Variants in CNNM4 observed in about 807,000 individuals in gnomAD.
The protein encoded by CNNM4 is cyclin and CBS domain divalent metal cation transport mediator 4.
CNNM4 carries 32 observed loss-of-function variants against 53.7 expected under a neutral mutation model. The observed-to-expected ratio is 0.60, with a 90% CI of 0.45 to 0.80. The LOEUF (loss-of-function observed/expected upper bound fraction) is 0.80. Among genes scored for constraint, CNNM4 ranks in the 30% least tolerant of loss-of-function variants. CNNM4 has a pLI of 0.00. For synonymous variants in CNNM4, 410 were observed against 440.0 expected (o/e 0.93, Z 0.85); for missense variants, 784 against 1,022.0 (o/e 0.77, Z 3.17).
At chr2:96,767,672 C>G (rs1309953120) in intron 1 of CNNM4, among the ~76,000 whole-genome samples, 2 of 152,218 alleles carry the variant, frequency 1.3e-5, no homozygotes, top group Non-Finnish European at 2.9e-5. Flanking sequence ...CTGGGTGTAA[C>G]TCCAGCCAGC....
At chr2:96,796,939 G>C in intron 1 of CNNM4, 73 bp from the exon 2 acceptor site, 1 of 1,516,582 alleles carries the variant, frequency 6.6e-7, no homozygotes, top group Non-Finnish European at 9.1e-7. Context: ...TACGTCTAGA[G>C]TTAATGTTTT....
intron 1 of CNNM4, among the ~76,000 whole-genome samples, chr2:96,779,151 G>T (rs1422222727): frequency 2.0e-5 from 3 of 152,014 alleles, no homozygotes; most frequent in African/African-American, 7.2e-5. Context: ...GTAGAGACGG[G>T]GTTTCACCGT....
In CNNM4 at chr2:96,796,437, C is replaced by T. The variant is rs368295489; in HGVS notation, c.1403-575C>T. On this transcript the variant is annotated intron_variant, in intron 1 of 6. Coordinates refer to ENST00000377075, the MANE Select transcript of CNNM4 (RefSeq NM_020184.4). ...CTGGGATTACAGATGTGAGCCATTG[C>T]TCCCAGCATTGCCATTTTTATCCGA... Among the ~76,000 whole-genome samples, 14 of 152,122 alleles carry T rather than the reference C, an allele frequency of 9.2e-5. 1 individual carries two copies. Among genetic ancestry groups the T allele is most frequent in the Admixed American group, 3.9e-4 (6 of 15,278 alleles).
chr2:96,768,012 G>A (rs2078833679), intron 1 of CNNM4, among the ~76,000 whole-genome samples: 1 of 152,150 alleles, frequency 6.6e-6, no homozygotes, highest in African/African-American at 2.4e-5. Context: ...GCAGTGAGCT[G>A]AGATTGCACC....
At chr2:96,787,891 C>G (rs1357071163) in intron 1 of CNNM4, among the ~76,000 whole-genome samples, 3 of 152,046 alleles carry the variant, frequency 2.0e-5, no homozygotes, top group Non-Finnish European at 4.4e-5. Flanking sequence ...ATATTTCTGT[C>G]CATTGTTCTC....
chr2:96,784,677 G>T (rs865976507), intron 1 of CNNM4, among the ~76,000 whole-genome samples: 1 of 152,190 alleles, frequency 6.6e-6, no homozygotes, highest in Non-Finnish European at 1.5e-5. Flanking sequence ...TCCCATTTCT[G>T]TATCCCAGCC....
At chr2:96,785,315 T>C (rs2079007664) in intron 1 of CNNM4, among the ~76,000 whole-genome samples, 1 of 152,170 alleles carries the variant, frequency 6.6e-6, no homozygotes, top group Non-Finnish European at 1.5e-5. Context: ...ACATGTATTA[T>C]AGAATGAACA....
intron 1 of CNNM4, among the ~76,000 whole-genome samples, chr2:96,769,880 G>C (rs2078853704): frequency 6.6e-6 from 1 of 152,246 alleles, no homozygotes; most frequent in Admixed American, 6.5e-5. Context: ...CTGCCTGGGG[G>C]CAGGTGTATC....
Position 96,808,528 on chromosome 2 carries a change from C to A in CNNM4, c.1949-33C>A, listed in dbSNP as rs370563758. ...AGGGTGAGAGTGGGCATCGGAGTGG[C>A]CTTTGGCATGACAACCTCTGCTCTC... On this transcript the variant is annotated intron_variant, in intron 5 of 6. Transcript: ENST00000377075. The surrounding 1 kb of genome is among the most constrained non-coding windows in gnomAD (Gnocchi z 4.9). The A allele has an allele frequency of 1.9e-6, 3 of 1,612,854 alleles. No individual in the cohort carries two copies. Among genetic ancestry groups the A allele is most frequent in the African/African-American group, 2.7e-5 (2 of 74,960 alleles).
At chr2:96,772,794 C>T (rs1398307590) in intron 1 of CNNM4, among the ~76,000 whole-genome samples, 6 of 143,120 alleles carry the variant, frequency 4.2e-5, no homozygotes, top group Non-Finnish European at 6.1e-5. Context: ...CACATGCGCA[C>T]ACACACACAC....
At chr2:96,762,546 G>A in intron 1 of CNNM4, 145 bp downstream of exon 1, 1 of 819,092 alleles carries the variant, frequency 1.2e-6, no homozygotes, top group Non-Finnish European at 2.0e-6. Context: ...TGAGGTGAAC[G>A]ATTTTGGAGC....
chr2:96,776,604 C>T (rs2078926539), intron 1 of CNNM4, among the ~76,000 whole-genome samples: 1 of 152,076 alleles, frequency 6.6e-6, no homozygotes. Flanking sequence ...ATTAATAAAC[C>T]TCTTTTCATC....
In CNNM4 at chr2:96,762,385, G is replaced by T. The variant is rs774462416; in HGVS notation, c.1386G>T (p.Leu462=). 13 of 1,614,118 alleles carry T rather than the reference G, an allele frequency of 8.1e-6. No individual in the cohort carries two copies. The highest frequency in any genetic ancestry group is 1.3e-5 in the African/African-American group (1 of 75,026). ...ATGACACCAAGTTGGATGCCATGCT[G>T]GAGGAGTTCAAGAAGGGTAAGGCCA... ...VFHDTKLDAM[L]EEFKKGKSHL... Residue 462 remains leucine (L), a synonymous_variant, in exon 1 of 7, where the codon CTG becomes CTT. Coordinates refer to ENST00000377075, the MANE Select transcript of CNNM4 (RefSeq NM_020184.4).
chr2:96,797,528 G>A lies in CNNM4; in HGVS notation c.1562G>A (p.Arg521Gln), dbSNP rs148365594. 1.1e-5 allele frequency: 17 copies of A among 1,614,056 alleles called. No individual in the cohort carries two copies. The highest frequency in any genetic ancestry group is 1.3e-5 in the African/African-American group (1 of 74,946). ...ESDMYTDNRS[R>Q]KRVSEKNKRD... ...CTTCCGGCAGCTGACAACCGAAGCCGGAAGCGGGTGTCTGAGAAGAACAAG... is the reference window on the plus strand; with the variant it reads ...CTTCCGGCAGCTGACAACCGAAGCCAGAAGCGGGTGTCTGAGAAGAACAAG... The change falls in exon 3 of 7, where the codon CGG becomes CAG. Residue 521 changes from arginine (R) to glutamine (Q), a missense_variant. Transcript: ENST00000377075. This position sits in a 1 kb window ranked among gnomAD's most constrained non-coding sequence, Gnocchi z 6.0.
chr2:96,767,682 C>A (rs1394739854), intron 1 of CNNM4, among the ~76,000 whole-genome samples: 1 of 152,218 alleles, frequency 6.6e-6, no homozygotes, highest in Non-Finnish European at 1.5e-5. Flanking sequence ...CTCCAGCCAG[C>A]CTGGTCACTG....
rs981782408 is a variant in CNNM4 at position 96,778,558 on chromosome 2, A to G, written c.1402+16157A>G. Among the ~76,000 whole-genome samples the G allele has an allele frequency of 1.9e-4, 25 of 131,700 alleles. 2 individuals are homozygous for G. The highest frequency in any genetic ancestry group is 7.1e-4 in the Admixed American group (10 of 14,040). 86.4% of individuals were successfully genotyped at this position (131,700 alleles called of 152,430 possible). A position where few individuals can be genotyped will look rare whatever the true frequency, so the allele number is the denominator to read the frequency against. ...GGCGACAGAGCAAGACTCTGTCTCA[A>G]AAAAAAAAAAAAAATTATTTCTATG... is the stretch of plus-strand genomic sequence containing the variant. On this transcript the variant is annotated intron_variant, in intron 1 of 6. Transcript: ENST00000377075.
intron 1 of CNNM4, among the ~76,000 whole-genome samples, chr2:96,781,474 A>G (rs2153346674): frequency 6.6e-6 from 1 of 152,118 alleles, no homozygotes; most frequent in South Asian, 2.1e-4. Flanking sequence ...TTGGCCTCCC[A>G]AAATGCTGAG....
chr2:96,798,552 CT>C (rs2079127115), intron 3 of CNNM4, among the ~76,000 whole-genome samples: 1 of 152,192 alleles, frequency 6.6e-6, no homozygotes, highest in Non-Finnish European at 1.5e-5. Flanking sequence ...CTCTGTCCCC[CT>C]CTTCCCCTGG....
intron 1 of CNNM4, among the ~76,000 whole-genome samples, chr2:96,764,753 C>T (rs1238287797): frequency 2.6e-5 from 4 of 152,032 alleles, no homozygotes; most frequent in Admixed American, 6.6e-5. Context: ...TTTGGGAGGG[C>T]GAGGCGGACA....
Sources: gnomAD v4.1 joint callset for allele counts (sites outside exome capture counted in the v4.1 genomes callset) on GRCh38, gnomAD v4.1.1 for gene constraint, Gnocchi (gnomAD v3.1) non-coding constraint, MANE v1.5 for transcripts, NCBI Gene and HGNC (gene_info 2026-07-23, HGNC 2026-07-21) for gene names.